The following LRP1B variants were observed in gnomAD, a reference collection of about 807,000 sequenced individuals.
LRP1B encodes LDL receptor related protein 1B.
LRP1B carries 217 observed loss-of-function variants against 556.6 expected under a neutral mutation model. The ratio of observed to expected loss-of-function variants is 0.39; its 90% confidence interval spans 0.35 to 0.44. The LOEUF (loss-of-function observed/expected upper bound fraction) is 0.44. LRP1B is among the 20% of genes least tolerant of loss of function. The pLI is 1.00. For missense variants in LRP1B, 5,053 were observed against 5,620.8 expected, an observed-to-expected ratio of 0.90 and a Z score of 3.23; for synonymous variants, 2,047 against 1,865.8, an observed-to-expected ratio of 1.10 and a Z score of -2.50.
At chr2:141,031,962 CATTTCTT>C (rs968099406) in intron 11 of LRP1B, among the ~76,000 whole-genome samples, 1 of 151,686 alleles carries the variant, frequency 6.6e-6, no homozygotes, top group Non-Finnish European at 1.5e-5. Context: ...CCTATAATCA[CATTTCTT>C]TGTTATTTTC....
At chr2:141,368,040 TA>T (rs1280928788) in intron 3 of LRP1B, among the ~76,000 whole-genome samples, 2 of 152,218 alleles carry the variant, frequency 1.3e-5, no homozygotes, top group Non-Finnish European at 2.9e-5. Flanking sequence ...ACTTTTTATC[TA>T]TTTTTAGATT....
At chr2:141,195,212 TGCTATGAG>T (rs1189147898) in intron 6 of LRP1B, among the ~76,000 whole-genome samples, 1 of 152,026 alleles carries the variant, frequency 6.6e-6, no homozygotes, top group Admixed American at 6.6e-5. Context: ...CCACCTGCCA[TGCTATGAG>T]GGCACTCAAG....
intron 65 of LRP1B, among the ~76,000 whole-genome samples, chr2:140,443,615 A>G (rs945770199): frequency 4.6e-5 from 7 of 152,248 alleles, no homozygotes; most frequent in African/African-American, 1.7e-4. Flanking sequence ...CTGAAACTTG[A>G]CAGGTGCTCC....
chr2:141,671,795 C>T (rs913606012), intron 2 of LRP1B, among the ~76,000 whole-genome samples: 2 of 150,876 alleles, frequency 1.3e-5, no homozygotes, highest in Non-Finnish European at 2.9e-5. Context: ...TATCAGCAAA[C>T]ATACAAATCC....
chr2:141,849,577 C>T (rs1261281284), intron 1 of LRP1B, among the ~76,000 whole-genome samples: 2 of 151,456 alleles, frequency 1.3e-5, no homozygotes, highest in African/African-American at 4.8e-5. Flanking sequence ...CTCTTCTTGA[C>T]AATATGAGAC....
intron 3 of LRP1B, among the ~76,000 whole-genome samples, chr2:141,267,039 A>G (rs976102406): frequency 2.0e-5 from 3 of 152,368 alleles, no homozygotes; most frequent in African/African-American, 2.4e-5. Flanking sequence ...ATGACATTTC[A>G]TAGACATGGT....
chr2:140,383,232 A>C (rs1683611590), intron 67 of LRP1B, among the ~76,000 whole-genome samples: 1 of 152,136 alleles, frequency 6.6e-6, no homozygotes, highest in Non-Finnish European at 1.5e-5. Flanking sequence ...ACATTGATCA[A>C]TAATATTTAG....
intron 16 of LRP1B, among the ~76,000 whole-genome samples, chr2:140,993,559 G>C (rs1046484368): frequency 6.6e-6 from 1 of 152,074 alleles, no homozygotes; most frequent in Admixed American, 6.6e-5. Flanking sequence ...ACCCATGTCT[G>C]TTTCCTTGGA....
chr2:140,885,377 A>T (rs1320313246), intron 24 of LRP1B, among the ~76,000 whole-genome samples: 4 of 149,910 alleles, frequency 2.7e-5, no homozygotes, highest in Non-Finnish European at 4.4e-5. Flanking sequence ...TTTTTGAGAT[A>T]AAGTATTCTG....
intron 2 of LRP1B, among the ~76,000 whole-genome samples, chr2:141,673,798 C>T (rs72980199): frequency 0.13 from 19,491 of 151,962 alleles, 1,954 homozygotes; most frequent in African/African-American, 0.27. Flanking sequence ...ATCTATATTA[C>T]ATCATCTACC....
At chr2:140,927,581 C>T (rs1056251050) in intron 20 of LRP1B, among the ~76,000 whole-genome samples, 4 of 151,740 alleles carry the variant, frequency 2.6e-5, no homozygotes, top group African/African-American at 9.7e-5. Context: ...GCTGTTCAGC[C>T]TGTTTGTTTT....
intron 2 of LRP1B, among the ~76,000 whole-genome samples, chr2:141,706,783 CAT>C (rs1301173958): frequency 6.6e-6 from 1 of 151,942 alleles, no homozygotes; most frequent in African/African-American, 2.4e-5. Context: ...AATTAAGAAA[CAT>C]ATATTTTTAA....
At chr2:141,315,882 C>CTTTTTTTTT (rs70991157) in intron 3 of LRP1B, among the ~76,000 whole-genome samples, 4 of 18,140 alleles carry the variant, frequency 2.2e-4, no homozygotes, top group African/African-American at 2.4e-4. Flanking sequence ...TTAGTCTGGT[C>CTTTTTTTTT]TTTTTTTTTT....
At chr2:140,359,065 TTTG>T (rs1573842327) in intron 72 of LRP1B, 119 bp from the exon 73 acceptor site, 1 of 1,039,612 alleles carries the variant, frequency 9.6e-7, no homozygotes, top group Middle Eastern at 2.5e-4. Flanking sequence ...AAATATCTTT[TTTG>T]TTGTGACAAT....
At chr2:141,333,016 A>T (rs1458003156) in intron 3 of LRP1B, among the ~76,000 whole-genome samples, 1 of 152,054 alleles carries the variant, frequency 6.6e-6, no homozygotes, top group Non-Finnish European at 1.5e-5. Flanking sequence ...TCACTTTTTT[A>T]AAATCTTTTT....
chr2:140,414,041 C>T (rs930901381), intron 66 of LRP1B, among the ~76,000 whole-genome samples: 3 of 152,068 alleles, frequency 2.0e-5, no homozygotes, highest in African/African-American at 7.2e-5. Context: ...TCAGGAGTAC[C>T]TGTGACTGCA....
intron 7 of LRP1B, among the ~76,000 whole-genome samples, chr2:141,070,946 T>C (rs1177476557): frequency 2.0e-5 from 3 of 152,172 alleles, no homozygotes; most frequent in Non-Finnish European, 2.9e-5. Flanking sequence ...ACTGGTACCA[T>C]TCCTTCTGAA....
At chr2:140,829,445 A>G (rs1459388853) in intron 31 of LRP1B, among the ~76,000 whole-genome samples, 1 of 152,216 alleles carries the variant, frequency 6.6e-6, no homozygotes, top group East Asian at 1.9e-4. Flanking sequence ...CTCTGACCAC[A>G]ATGGAATAAA....
chr2:141,171,883 A>G (rs1680515735), intron 7 of LRP1B, among the ~76,000 whole-genome samples: 1 of 152,122 alleles, frequency 6.6e-6, no homozygotes, highest in African/African-American at 2.4e-5. Flanking sequence ...GGTCTAAAGT[A>G]AACAGTCAGT....
Sources: gnomAD v4.1 joint callset for allele counts (sites outside exome capture counted in the v4.1 genomes callset) on GRCh38, gnomAD v4.1.1 for gene constraint, MANE v1.5 for transcripts, NCBI Gene and HGNC (gene_info 2026-07-23, HGNC 2026-07-21) for gene names.